Variants in ZNF267 observed in about 807,000 individuals in gnomAD.
The protein encoded by ZNF267 is zinc finger protein 267, also known as zinc finger (C2H2).
ZNF267 carries 61 observed loss-of-function variants against 71.6 expected under a neutral mutation model. The ratio of observed to expected loss-of-function variants is 0.85; its 90% CI spans 0.69 to 1.05. The LOEUF (loss-of-function observed/expected upper bound fraction) is 1.05, where lower values mean the gene tolerates loss of function less well. Ranked by LOEUF, ZNF267 falls within the 50% of genes least tolerant of loss-of-function variation. The pLI, the probability that ZNF267 is intolerant of heterozygous loss-of-function variation, is 0.00. For missense variants in ZNF267, 852 were observed against 870.0 expected (o/e 0.98, Z 0.26); for synonymous variants, 288 against 293.2 (o/e 0.98, Z 0.18).
At chr16:31,912,341 T>C (rs1234791591) in intron 3 of ZNF267, 4 of 151,768 alleles carry the variant, frequency 2.6e-5, no homozygotes, top group Non-Finnish European at 4.4e-5. Flanking sequence ...AAAGCTTTGC[T>C]ACTTCAGCAC....
At chr16:31,878,734 C>G (rs1359482861) in intron 1 of ZNF267, among the ~76,000 whole-genome samples, 1 of 152,210 alleles carries the variant, frequency 6.6e-6, no homozygotes, top group African/African-American at 2.4e-5. Context: ...GCACCTTCCT[C>G]TCTTCTGCCT....
Position 31,874,310 on chromosome 16 carries a change from G to A in ZNF267, c.3+341G>A, listed in dbSNP as rs1026584695. ...GGGGAGACCCAGGTTCGGTGTGTGG[G>A]AAGAAACCGTGCCCTGTGGGGTCCT... On this transcript the variant is annotated intron_variant, in intron 1 of 3. Transcript: ENST00000300870. 1.1e-5 allele frequency: 3 copies of A among 273,962 alleles called. No homozygotes were observed. In the South Asian group the frequency reaches 2.9e-4, roughly 26 times the overall value. 17.0% of individuals were successfully genotyped at this position (273,962 alleles called of 1,614,324 possible). A position where few individuals can be genotyped will look rare whatever the true frequency, so the allele number is the denominator to read the frequency against.
intron 1 of ZNF267, 27 bp downstream of exon 1, chr16:31,873,996 AGAGG>A: frequency 6.2e-7 from 1 of 1,606,208 alleles, no homozygotes; most frequent in Non-Finnish European, 8.5e-7. Context: ...GGGGGTCCCC[AGAGG>A]GAGGGAGGGC....
rs1367141751 is a variant in ZNF267, at chr16:31,914,929, A to C, written c.680A>C (p.Gln227Pro). The C allele has an allele frequency of 6.2e-7, 1 of 1,611,380 alleles. No homozygotes were observed. Among genetic ancestry groups the C allele is most frequent in the Non-Finnish European group, 8.5e-7 (1 of 1,179,280 alleles). ...AATAATTCTGAAAAAACCTTGAACC[A>C]AAGCTCAAGCCCTAAAAATCATCAG... ...HCNNSEKTLN[Q>P]SSSPKNHQEN... The change falls in exon 4 of 4, where the codon CAA (glutamine) becomes CCA (proline). Residue 227 changes from glutamine (Q) to proline (P), a missense_variant. Gln to Pro is a moderately conservative substitution (Grantham distance 76). Transcript: ENST00000300870.
intron 3 of ZNF267, among the ~76,000 whole-genome samples, chr16:31,902,951 A>ATTT (rs1363213536): frequency 6.6e-6 from 1 of 150,456 alleles, no homozygotes; most frequent in African/African-American, 2.4e-5. Flanking sequence ...GCTCTTATCT[A>ATTT]TGACGTCCCA....
intron 1 of ZNF267, among the ~76,000 whole-genome samples, chr16:31,874,857 C>T (rs1213616019): frequency 6.6e-6 from 1 of 152,166 alleles, no homozygotes; most frequent in African/African-American, 2.4e-5. Context: ...CCGACATTTC[C>T]AAAGGCCAAC....
At chr16:31,892,874 GTC>G (rs1162202052) in intron 3 of ZNF267, among the ~76,000 whole-genome samples, 1 of 152,218 alleles carries the variant, frequency 6.6e-6, no homozygotes, top group African/African-American at 2.4e-5. Context: ...GGCATTGAGT[GTC>G]TGCAGCTTTT....
At chr16:31,899,997 T>TATAC (rs1567477153) in intron 3 of ZNF267, among the ~76,000 whole-genome samples, 1 of 150,892 alleles carries the variant, frequency 6.6e-6, no homozygotes, top group African/African-American at 2.4e-5. Flanking sequence ...CATATATATA[T>TATAC]ACACACACAC....
intron 3 of ZNF267, among the ~76,000 whole-genome samples, chr16:31,891,158 G>C (rs190278428): frequency 1.5e-4 from 22 of 151,710 alleles, no homozygotes; most frequent in Admixed American, 5.9e-4. Flanking sequence ...TCTTATATTT[G>C]TAACAGTCTA....
chr16:31,890,267 T>C (rs2142339660), intron 3 of ZNF267: 1 of 152,348 alleles, frequency 6.6e-6, no homozygotes, highest in South Asian at 2.1e-4. Flanking sequence ...TAATGTTTGC[T>C]TTATATATTT....
At chr16:31,909,179 T>A (rs1285511172) in intron 3 of ZNF267, among the ~76,000 whole-genome samples, 1 of 135,568 alleles carries the variant, frequency 7.4e-6, no homozygotes, top group East Asian at 2.4e-4. Flanking sequence ...CAGGCTGGAG[T>A]GCAGTAGCAC....
At chr16:31,909,444 T>A (rs1475353296) in intron 3 of ZNF267, among the ~76,000 whole-genome samples, 1 of 152,154 alleles carries the variant, frequency 6.6e-6, no homozygotes, top group Non-Finnish European at 1.5e-5. Context: ...TCCTCTTCAA[T>A]GTCTTTCATT....
chr16:31,901,515 T>C (rs1004046058), intron 3 of ZNF267, among the ~76,000 whole-genome samples: 11 of 152,188 alleles, frequency 7.2e-5, no homozygotes, highest in Non-Finnish European at 1.5e-4. Flanking sequence ...TGGTATCTCA[T>C]TGTGGTTTTG....
chr16:31,881,065 T>C (rs1280055335), intron 1 of ZNF267, among the ~76,000 whole-genome samples: 1 of 152,114 alleles, frequency 6.6e-6, no homozygotes, highest in Non-Finnish European at 1.5e-5. Context: ...AAAGAGTTGT[T>C]ATTATAATTA....
chr16:31,886,412 C>T (rs1225114872), intron 3 of ZNF267, among the ~76,000 whole-genome samples: 1 of 152,212 alleles, frequency 6.6e-6, no homozygotes, highest in Non-Finnish European at 1.5e-5. Flanking sequence ...TGCCTCCTCT[C>T]AGATCAGCAG....
Position 31,914,799 on chromosome 16 carries a change from T to A in ZNF267, c.550T>A (p.Trp184Arg). 6.2e-7 allele frequency: 1 copy of A among 1,613,032 alleles called. No homozygotes were observed. Among genetic ancestry groups the A allele is most frequent in the Admixed American group, 1.7e-5 (1 of 59,818 alleles). The change falls in exon 4 of 4, where the codon TGG becomes AGG. Residue 184 changes from tryptophan (W) to arginine (R), a missense_variant. Coordinates refer to ENST00000300870, the MANE Select transcript of ZNF267 (RefSeq NM_003414.6). Reference sequence around the variant, plus strand: ...TAATCAACAAGAGGAAATAGATATTTGGGGAAAACATCACATATATGATAA... The same window carrying A: ...TAATCAACAAGAGGAAATAGATATTAGGGGAAAACATCACATATATGATAA... Reference protein sequence around the residue: ...LLNQQEEIDIWGKHHIYDKTS... With the variant: ...LLNQQEEIDIRGKHHIYDKTS...
chr16:31,895,059 CT>C, intron 3 of ZNF267: 1 of 244,246 alleles, frequency 4.1e-6, no homozygotes, highest in Non-Finnish European at 8.1e-6. Context: ...CCCAGGGGGC[CT>C]TCTGCTTTGC....
At chr16:31,907,284 T>A (rs561090390) in intron 3 of ZNF267, among the ~76,000 whole-genome samples, 2 of 152,314 alleles carry the variant, frequency 1.3e-5, no homozygotes, top group African/African-American at 4.8e-5. Flanking sequence ...AATTTTCTGC[T>A]CTTTTTCAGT....
At chr16:31,910,787 C>A (rs7193710) in intron 3 of ZNF267, among the ~76,000 whole-genome samples, 1 of 151,256 alleles carries the variant, frequency 6.6e-6, no homozygotes, top group African/African-American at 2.5e-5. Flanking sequence ...TCTTTAAGAT[C>A]CAACATTAGG....
Sources: gnomAD v4.1 joint callset for allele counts (sites outside exome capture counted in the v4.1 genomes callset) on GRCh38, gnomAD v4.1.1 for gene constraint, MANE v1.5 for transcripts, NCBI Gene and HGNC (gene_info 2026-07-23, HGNC 2026-07-21) for gene names.